TMED2: variants seen among roughly 807,000 people sequenced by gnomAD.
TMED2 encodes the protein transmembrane p24 trafficking protein 2, also known as transmembrane emp24 domain-containing protein 2.
TMED2 carries 3 observed loss-of-function variants against 17.5 expected under a neutral mutation model. The observed-to-expected ratio is 0.17, with a 90% CI of 0.08 to 0.44. The LOEUF (loss-of-function observed/expected upper bound fraction) is 0.44. TMED2 is among the 20% of genes least tolerant of loss of function. TMED2 has a pLI of 0.99. For missense variants in TMED2, 149 were observed against 254.8 expected, an observed-to-expected ratio of 0.58 and a Z score of 2.83; for synonymous variants, 95 against 91.0, an observed-to-expected ratio of 1.04 and a Z score of -0.25.
intron 1 of TMED2, among the ~76,000 whole-genome samples, chr12:123,585,307 A>G (rs1209694963): frequency 3.3e-5 from 5 of 152,194 alleles, no homozygotes; most frequent in Admixed American, 3.3e-4. Flanking sequence ...TGCTAGGCAT[A>G]CTTTCGCGTT....
At chr12:123,594,802 G>A (rs1251732625) in intron 3 of TMED2, among the ~76,000 whole-genome samples, 2 of 151,732 alleles carry the variant, frequency 1.3e-5, no homozygotes, top group Admixed American at 6.6e-5. Context: ...CAGGAGAATC[G>A]CTTGAACCCA....
Position 123,586,800 on chromosome 12 carries a change from G to A in TMED2, c.234G>A (p.Gly78=). Residue 78 remains glycine, a synonymous_variant, in exon 2 of 4, where the codon GGG becomes GGA. Transcript: ENST00000262225. ...GIYKGDRESS[G]KYTFAAHMDG... is the part of the protein sequence containing the mutation. ...ACAAAGGAGACAGAGAATCCAGTGGGAAATACACATTTGCTGCTCACATGG... is the reference window on the plus strand; with the variant it reads ...ACAAAGGAGACAGAGAATCCAGTGGAAAATACACATTTGCTGCTCACATGG... 1 of 1,612,056 alleles carries A rather than the reference G, an allele frequency of 6.2e-7. No homozygotes were observed. Among genetic ancestry groups the A allele is most frequent in the Non-Finnish European group, 8.5e-7 (1 of 1,179,102 alleles).
chr12:123,593,419 A>G (rs556554200), intron 3 of TMED2, among the ~76,000 whole-genome samples: 1 of 152,266 alleles, frequency 6.6e-6, no homozygotes, highest in South Asian at 2.1e-4. Flanking sequence ...CCAAATTTTG[A>G]CGTTGTAAAT....
chr12:123,587,466 T>TGTAG, intron 2 of TMED2: 2 of 414,980 alleles, frequency 4.8e-6, no homozygotes, highest in Non-Finnish European at 7.4e-6. Context: ...CTTGTGAGCA[T>TGTAG]GTAGGTTCCA....
At position 123,594,715 on chromosome 12, in the gene TMED2, G is replaced by A. The variant is rs537690813; in HGVS notation, c.482-1890G>A. On this transcript the variant is annotated intron_variant, in intron 3 of 3. Coordinates refer to ENST00000262225, the MANE Select transcript of TMED2 (RefSeq NM_006815.4). Reference sequence around the variant, plus strand: ...CCAGCCTGACTAACATGGAGAAACCGCATCTCTACTAAAAATACAAAATTA... The same window carrying A: ...CCAGCCTGACTAACATGGAGAAACCACATCTCTACTAAAAATACAAAATTA... 6.1e-5 allele frequency among the ~76,000 whole-genome samples: 9 copies of A among 147,364 alleles called. 1 individual carries two copies. Among genetic ancestry groups the A allele is most frequent in the African/African-American group, 1.5e-4 (6 of 39,998 alleles).
intron 2 of TMED2, among the ~76,000 whole-genome samples, chr12:123,589,226 G>A (rs1412132028): frequency 6.6e-6 from 1 of 152,190 alleles, no homozygotes; most frequent in East Asian, 1.9e-4. Context: ...ATTGCCTGCT[G>A]TTCCCCACTA....
intron 2 of TMED2, chr12:123,587,743 C>A: frequency 2.0e-6 from 2 of 975,832 alleles, no homozygotes; most frequent in Admixed American, 4.3e-5. Context: ...GTGTTTTTTT[C>A]TCTTAAAAAA....
In TMED2 at chr12:123,589,903, T is replaced by C. The variant is rs146937993; in HGVS notation, c.374-439T>C. On this transcript the variant is annotated intron_variant, in intron 2 of 3. Coordinates refer to ENST00000262225, the MANE Select transcript of TMED2 (RefSeq NM_006815.4). ...CAGGAGGCTGAGGCAGGGGATTGCT[T>C]GAGCCCAGGAATTTTAGGTTACAGT... Among the ~76,000 whole-genome samples the C allele has an allele frequency of 2.8e-4, 42 of 151,666 alleles. No homozygotes were observed. In the East Asian group the frequency reaches 8.1e-3, roughly 29 times the overall value.
chr12:123,587,708 C>T (rs1953360561), intron 2 of TMED2: 2 of 1,206,026 alleles, frequency 1.7e-6, no homozygotes, highest in Non-Finnish European at 2.1e-6. Context: ...TTTCTTTTTT[C>T]TAACCTCAGT....
intron 3 of TMED2, among the ~76,000 whole-genome samples, chr12:123,595,975 A>G (rs909500618): frequency 6.6e-6 from 1 of 152,190 alleles, no homozygotes; most frequent in African/African-American, 2.4e-5. Context: ...GCAGTGAACT[A>G]TGATTGTGTC....
At chr12:123,591,086 C>T (rs535302910) in intron 3 of TMED2, among the ~76,000 whole-genome samples, 3 of 152,008 alleles carry the variant, frequency 2.0e-5, no homozygotes, top group Non-Finnish European at 2.9e-5. Context: ...TTGTAAAATG[C>T]GTATTGCATT....
chr12:123,590,864 G>A (rs1350590790), intron 3 of TMED2, among the ~76,000 whole-genome samples: 1 of 151,678 alleles, frequency 6.6e-6, no homozygotes, highest in Non-Finnish European at 1.5e-5. Flanking sequence ...TGCACCTATA[G>A]TCCCAGCTAC....
intron 3 of TMED2, among the ~76,000 whole-genome samples, chr12:123,593,405 A>T (rs1169863005): frequency 6.6e-6 from 1 of 152,148 alleles, no homozygotes; most frequent in Admixed American, 6.5e-5. Flanking sequence ...GGCGCACGCC[A>T]CCACCAAATT....
At chr12:123,594,979 A>G (rs1345163878) in intron 3 of TMED2, among the ~76,000 whole-genome samples, 1 of 152,194 alleles carries the variant, frequency 6.6e-6, no homozygotes, top group Non-Finnish European at 1.5e-5. Flanking sequence ...CTATAATCCC[A>G]GCACTTTGGG....
In TMED2 at chr12:123,597,631, A is replaced by G. The variant is rs1405693481; in HGVS notation, c.*902A>G. 6.6e-6 allele frequency: 1 copy of G among 152,612 alleles called. No individual in the cohort carries two copies. Among genetic ancestry groups the G allele is most frequent in the Non-Finnish European group, 1.5e-5 (1 of 68,034 alleles). 9.5% of individuals were successfully genotyped at this position (152,612 alleles called of 1,614,324 possible). A position where few individuals can be genotyped will look rare whatever the true frequency, so the allele number is the denominator to read the frequency against. On this transcript the variant is annotated 3_prime_UTR_variant, in exon 4 of 4. Transcript: ENST00000262225. ...ATTTTTGATCAGTGGCCTTTGGGCC[A>G]CTGTTCAGGGTACTGACCATCAGTG...
intron 3 of TMED2, 54 bp from the exon 4 acceptor site, chr12:123,596,551 T>C (rs533368298): frequency 2.6e-6 from 4 of 1,567,684 alleles, no homozygotes; most frequent in Non-Finnish European, 3.5e-6. Context: ...ATGATGCCTA[T>C]GTCTTTTTGG....
chr12:123,584,929 G>A (rs1052424648), intron 1 of TMED2, 113 bp downstream of exon 1: 1 of 1,339,948 alleles, frequency 7.5e-7, no homozygotes, highest in African/African-American at 1.5e-5. Context: ...GTCGCTGTCC[G>A]AGTCCTGGAG....
chr12:123,587,573 G>A, intron 2 of TMED2: 1 of 1,263,594 alleles, frequency 7.9e-7, no homozygotes, highest in Non-Finnish European at 1.0e-6. Context: ...ACTTTTTGTT[G>A]GTTCTTTTTG....
intron 2 of TMED2, among the ~76,000 whole-genome samples, chr12:123,589,454 C>T (rs1953375505): frequency 6.6e-6 from 1 of 152,020 alleles, no homozygotes; most frequent in African/African-American, 2.4e-5. Context: ...CTCTTAGTCC[C>T]CTCTCCTCAG....
Sources: allele counts gnomAD v4.1 joint callset (sites outside exome capture counted in the v4.1 genomes callset), GRCh38; gene constraint gnomAD v4.1.1; transcripts MANE v1.5; gene names NCBI Gene and HGNC (gene_info 2026-07-23, HGNC 2026-07-21).